XBP1: variants seen among roughly 807,000 people sequenced by gnomAD.
The protein encoded by XBP1 is X-box binding protein 1.
Under a neutral mutation model 34.6 loss-of-function variants are expected in XBP1, and 18 were observed. That is an observed-to-expected ratio of 0.52 (90% CI 0.36 to 0.77). XBP1 has a LOEUF of 0.77. Among genes scored for constraint, XBP1 ranks in the 30% least tolerant of loss-of-function variants. XBP1 has a pLI of 0.00. For missense variants in XBP1, 422 were observed against 464.6 expected (o/e 0.91, Z 0.84); for synonymous variants, 191 against 193.4 (o/e 0.99, Z 0.11).
downstream of XBP1, chr22:28,794,952 T>C (rs901916125): frequency 1.2e-5 from 5 of 403,358 alleles, no homozygotes; most frequent in South Asian, 1.0e-4. Flanking sequence ...TTCTCAATTA[T>C]AGTAATATTT....
chr22:28,799,963 A>G, intron 1 of XBP1: 1 of 779,280 alleles, frequency 1.3e-6, no homozygotes, highest in Non-Finnish European at 2.4e-6. Flanking sequence ...ATTCGACCTC[A>G]TGTCCGAGTT....
At position 28,795,865 on chromosome 22, in the gene XBP1, C is replaced by T. The variant is rs1405103643; in HGVS notation, c.574-133G>A. The T allele has an allele frequency of 2.5e-6, 3 of 1,202,966 alleles. No individual in the cohort carries two copies. In the East Asian group the frequency reaches 7.1e-5, roughly 28 times the overall value. 74.5% of individuals were successfully genotyped at this position (1,202,966 alleles called of 1,614,324 possible). ...AAGATGACCTCGGGACCCACCAGAC[C>T]CATTTATCTACACTTCACTCCATGT... is the stretch of plus-strand genomic sequence containing the variant. On this transcript the variant is annotated intron_variant, in intron 5 of 5. Transcript: ENST00000344347.
chr22:28,799,949 G>C, intron 1 of XBP1: 1 of 779,098 alleles, frequency 1.3e-6, no homozygotes, highest in Non-Finnish European at 2.4e-6. Context: ...AACCAAAACA[G>C]ATTATTCGAC....
intron 1 of XBP1, chr22:28,800,062 G>A (rs2031843511): frequency 2.6e-6 from 2 of 771,492 alleles, no homozygotes; most frequent in Admixed American, 3.6e-5. Flanking sequence ...TCTCTAACGA[G>A]AGAGTTAAAA....
Position 28,795,288 on chromosome 22 carries a change from C to A in XBP1, c.1018G>T (p.Gly340Ter). The A allele has an allele frequency of 6.4e-7, 1 of 1,551,922 alleles. No individual in the cohort carries two copies. The highest frequency in any genetic ancestry group is 8.7e-7 in the Non-Finnish European group (1 of 1,146,994). The change falls in exon 6 of 6, where the codon GGA becomes TGA. Residue 340 changes from glycine (G) to a stop codon, truncating the protein, a stop_gained. Transcript: ENST00000344347. LOFTEE classifies it high-confidence loss of function. The stretch of plus-strand genomic sequence containing the variant: ...AATGGGGAAAGGGAACCCCCGTATC[C>A]ACAGTCACTGTAAGCATCCAGTAGG...
chr22:28,797,353 G>C, intron 2 of XBP1, 148 bp from the exon 3 acceptor site: 3 of 967,508 alleles, frequency 3.1e-6, no homozygotes, highest in Non-Finnish European at 4.4e-6. Context: ...AAAAAGCTAG[G>C]CCATAATTAT....
intron 2 of XBP1, 150 bp from the exon 3 acceptor site, chr22:28,797,355 CA>C: frequency 1.1e-6 from 1 of 945,324 alleles, no homozygotes. Flanking sequence ...AAAGCTAGGC[CA>C]TAATTATGGA....
chr22:28,800,368 C>T (rs747939605), exon 1 of XBP1: 13 of 1,541,392 alleles, frequency 8.4e-6, no homozygotes, highest in South Asian at 6.0e-5. Flanking sequence ...GGCAGCCCCC[C>T]GCTCGCTGCC....
intron 1 of XBP1, among the ~76,000 whole-genome samples, chr22:28,799,559 A>G (rs140866386): frequency 6.6e-6 from 1 of 152,286 alleles, no homozygotes; most frequent in East Asian, 1.9e-4. Flanking sequence ...TTGCTATGAC[A>G]TCAACCCTCC....
At chr22:28,796,302 G>A in intron 3 of XBP1, 110 bp from the exon 4 acceptor site, 1 of 1,057,174 alleles carries the variant, frequency 9.5e-7, no homozygotes, top group Non-Finnish European at 1.3e-6. Flanking sequence ...AGATTCTAGG[G>A]TTAAATTGCT....
exon 1 of XBP1, chr22:28,800,510 T>C (rs939447877): frequency 2.0e-6 from 3 of 1,490,264 alleles, no homozygotes; most frequent in Non-Finnish European, 1.8e-6. Flanking sequence ...TCGGCGCGGC[T>C]GCCACCACCA....
chr22:28,798,085 A>G (rs2146266160), intron 2 of XBP1, among the ~76,000 whole-genome samples: 1 of 152,326 alleles, frequency 6.6e-6, no homozygotes, highest in South Asian at 2.1e-4. Context: ...AGAGGGGGAA[A>G]GGAACCTTTA....
exon 3 of XBP1, chr22:28,797,086 C>G (rs144266565): frequency 6.2e-7 from 1 of 1,608,320 alleles, no homozygotes; most frequent in South Asian, 1.1e-5. Flanking sequence ...CCTTGGCTTC[C>G]GCCTCCTCTT....
intron 2 of XBP1, 43 bp downstream of exon 2, chr22:28,799,014 G>A: frequency 6.8e-7 from 1 of 1,475,972 alleles, no homozygotes; most frequent in South Asian, 1.1e-5. Context: ...CACCAAGGAA[G>A]GGTATACAAT....
chr22:28,795,106 A>G, downstream of XBP1: 1 of 1,427,448 alleles, frequency 7.0e-7, no homozygotes, highest in Non-Finnish European at 9.3e-7. Flanking sequence ...TGAAGTACAG[A>G]CAGGCTTCTC....
At chr22:28,796,381 C>T (rs963802116) in intron 3 of XBP1, 189 bp from the exon 4 acceptor site, 2 of 493,200 alleles carry the variant, frequency 4.1e-6, no homozygotes, top group African/African-American at 4.0e-5. Flanking sequence ...GCCAGTTCTG[C>T]TTGAATCTTT....
At chr22:28,794,699 C>T (rs1450967995), downstream of XBP1, 1 of 152,684 alleles carries the variant, frequency 6.5e-6, no homozygotes, top group Non-Finnish European at 1.5e-5. Flanking sequence ...CTTGATCTTA[C>T]TTGAAGTATA....
chr22:28,800,104 T>A, intron 1 of XBP1, 194 bp downstream of exon 1: 1 of 735,390 alleles, frequency 1.4e-6, no homozygotes, highest in Non-Finnish European at 2.4e-6. Context: ...CCGCCCTAGG[T>A]TCCCAGCGTG....
chr22:28,796,978 A>T, intron 3 of XBP1, 99 bp downstream of exon 3: 1 of 1,444,876 alleles, frequency 6.9e-7, no homozygotes, highest in South Asian at 1.4e-5. Flanking sequence ...AATTTCAAGA[A>T]CGCTCTTGAT....
Sources: allele counts gnomAD v4.1 joint callset (sites outside exome capture counted in the v4.1 genomes callset), GRCh38; gene constraint gnomAD v4.1.1; transcripts MANE v1.5; gene names NCBI Gene and HGNC (gene_info 2026-07-23, HGNC 2026-07-21).